Variants in OTOGL observed in about 807,000 individuals in gnomAD.
OTOGL encodes otogelin like, also known as otogelin-like protein.
OTOGL carries 285 observed loss-of-function variants against 318.5 expected under a neutral mutation model. That is an observed-to-expected ratio of 0.89 (90% CI 0.81 to 0.99). OTOGL has a LOEUF of 0.99. Among genes scored for constraint, OTOGL ranks in the 50% least tolerant of loss-of-function variants. The pLI is 0.00. For missense variants in OTOGL, 2,899 were observed against 2,845.6 expected (o/e 1.02, Z -0.43); for synonymous variants, 987 against 936.5 (o/e 1.05, Z -0.99).
intron 1 of OTOGL, among the ~76,000 whole-genome samples, chr12:80,149,910 G>T (rs1302209678): frequency 6.6e-6 from 1 of 152,166 alleles, no homozygotes; most frequent in Non-Finnish European, 1.5e-5. Flanking sequence ...CCCTGCTTCG[G>T]CTCATGCACG....
At chr12:80,139,773 G>A (rs1045414373) in intron 1 of OTOGL, among the ~76,000 whole-genome samples, 1 of 152,126 alleles carries the variant, frequency 6.6e-6, no homozygotes, top group African/African-American at 2.4e-5. Flanking sequence ...AATCACTTTA[G>A]GAAGGCTGCC....
intron 1 of OTOGL, among the ~76,000 whole-genome samples, chr12:80,132,981 T>G (rs1871331076): frequency 6.6e-6 from 1 of 152,220 alleles, no homozygotes; most frequent in Admixed American, 6.5e-5. Context: ...GCATCTCTCC[T>G]GTTACTTTTG....
At chr12:80,265,683 A>T (rs76956599) in intron 20 of OTOGL, 350 of 173,694 alleles carry the variant, frequency 2.0e-3, no homozygotes, top group Non-Finnish European at 2.9e-3. Flanking sequence ...TGTGTGTTTT[A>T]TAATTTTTTT....
intron 26 of OTOGL, among the ~76,000 whole-genome samples, chr12:80,283,932 C>T (rs1465410716): frequency 1.8e-4 from 27 of 151,896 alleles, no homozygotes; most frequent in Admixed American, 1.1e-3. Context: ...CATAGGTATA[C>T]GTGTGCCATG....
Position 80,370,627 on chromosome 12 carries a change from G to A in OTOGL, c.6673G>A (p.Gly2225Arg). ...ATATGAATGTGTTAAAACTGATGAA[G>A]GAGCAATAATTCTGAACTACACAAT... ...TTYECVKTDE[G>R]AIILNYTMVC... Residue 2225 changes from glycine to arginine, a missense_variant, in exon 56 of 59, where the codon GGA becomes AGA. Coordinates refer to ENST00000547103, the MANE Select transcript of OTOGL (RefSeq NM_001378609.3). The A allele has an allele frequency of 6.3e-7, 1 of 1,590,244 alleles. No homozygotes were observed. The highest frequency in any genetic ancestry group is 8.6e-7 in the Non-Finnish European group (1 of 1,165,008).
intron 35 of OTOGL, among the ~76,000 whole-genome samples, 152 bp downstream of exon 35, chr12:80,323,992 G>A (rs1565984243): frequency 6.6e-6 from 1 of 152,168 alleles, no homozygotes; most frequent in Non-Finnish European, 1.5e-5. Context: ...TCAAGAAGTA[G>A]TTATTGAGAG....
At chr12:80,124,528 T>G (rs1328713085) in intron 1 of OTOGL, among the ~76,000 whole-genome samples, 1 of 152,178 alleles carries the variant, frequency 6.6e-6, no homozygotes, top group Non-Finnish European at 1.5e-5. Context: ...TGGGCTCTTT[T>G]TTGGTTCTAT....
chr12:80,110,775 G>A (rs1869789287), intron 1 of OTOGL, among the ~76,000 whole-genome samples: 1 of 152,076 alleles, frequency 6.6e-6, no homozygotes, highest in South Asian at 2.1e-4. Flanking sequence ...CCCAGTAATG[G>A]GATTGCTGGG....
chr12:80,219,971 T>G (rs1409585824), intron 6 of OTOGL, 59 bp downstream of exon 6: 1 of 1,217,508 alleles, frequency 8.2e-7, no homozygotes, highest in Non-Finnish European at 1.2e-6. Flanking sequence ...AATTAAGGCA[T>G]AATTTGCTAT....
chr12:80,266,393 A>T (rs1882962096), intron 20 of OTOGL, 58 bp from the exon 21 acceptor site: 2 of 1,562,328 alleles, frequency 1.3e-6, no homozygotes, highest in Non-Finnish European at 1.8e-6. Flanking sequence ...CTAAGGAGGC[A>T]TAAAATGTTT....
Position 80,305,607 on chromosome 12 carries a change from A to G in OTOGL, c.3245A>G (p.Asp1082Gly). ...CTATCAGGATTGTGTGGAAACTTTG[A>G]CAAATGCACTTCAAATGATATGACC... ...NKLSGLCGNFDKCTSNDMTTS... is the reference protein window; with the variant it reads ...NKLSGLCGNFGKCTSNDMTTS... Residue 1082 changes from aspartate (D) to glycine (G), a missense_variant, in exon 29 of 59, where the codon GAC becomes GGC. By Grantham distance (94) the Asp-to-Gly change is moderately conservative. Around this residue, in one of 3 missense-constraint regions of OTOGL, gnomAD observed 2,607 missense variants for 2,524.9 expected, o/e 1.03. Coordinates refer to ENST00000547103, the MANE Select transcript of OTOGL (RefSeq NM_001378609.3). The G allele has an allele frequency of 6.4e-7, 1 of 1,572,364 alleles. No homozygotes were observed.
intron 52 of OTOGL, among the ~76,000 whole-genome samples, chr12:80,364,053 T>C (rs1214686590): frequency 6.6e-6 from 1 of 152,196 alleles, no homozygotes; most frequent in African/African-American, 2.4e-5. Flanking sequence ...TGTCTGAATA[T>C]TAATTATGAA....
At chr12:80,140,219 G>A (rs1233838594) in intron 1 of OTOGL, among the ~76,000 whole-genome samples, 3 of 152,098 alleles carry the variant, frequency 2.0e-5, no homozygotes. Context: ...TTCTGGGAGC[G>A]TCTCTATCAC....
At chr12:80,217,285 G>A (rs1042429132) in intron 4 of OTOGL, among the ~76,000 whole-genome samples, 2 of 152,096 alleles carry the variant, frequency 1.3e-5, no homozygotes, top group Non-Finnish European at 2.9e-5. Context: ...CGGGGGCTGG[G>A]GGGAAGACTG....
Position 80,357,977 on chromosome 12 carries a change from T to C in OTOGL, c.6020-271T>C, listed in dbSNP as rs549312703. ...TATAATAAATAAACAAGTGACATTTTGATTCTAATGAGAACAAATTACCTA... is the reference window on the plus strand; with the variant it reads ...TATAATAAATAAACAAGTGACATTTCGATTCTAATGAGAACAAATTACCTA... On this transcript the variant is annotated intron_variant, in intron 49 of 58. Coordinates refer to ENST00000547103, the MANE Select transcript of OTOGL (RefSeq NM_001378609.3). Among the ~76,000 whole-genome samples the C allele has an allele frequency of 2.8e-4, 43 of 152,278 alleles. 1 individual carries two copies. In the South Asian group the frequency reaches 8.9e-3, roughly 32 times the overall value.
rs985832418 is a variant in OTOGL at position 80,255,051 on chromosome 12, G to A, written c.1453G>A (p.Val485Ile). 2 of 1,493,882 alleles carry A rather than the reference G, an allele frequency of 1.3e-6. No individual in the cohort carries two copies. Among genetic ancestry groups the A allele is most frequent in the African/African-American group, 1.4e-5 (1 of 69,464 alleles). 92.5% of individuals were successfully genotyped at this position (1,493,882 alleles called of 1,614,324 possible). Reference protein sequence around the residue: ...TEQDCPVQCSVVGDSHFTTFD... With the variant: ...TEQDCPVQCSIVGDSHFTTFD... The stretch of plus-strand genomic sequence containing the variant: ...TTTTTTTTTGGCAGTTCAATGCTCA[G>A]TTGTAGGTGATTCTCACTTTACAAC... Residue 485 changes from valine to isoleucine, a missense_variant, in exon 16 of 59, where the codon GTT becomes ATT. Val to Ile is a conservative substitution (Grantham distance 29). This residue lies in a region of OTOGL where 2,607 missense variants were observed against 2,524.9 expected (regional missense o/e 1.03). Coordinates refer to ENST00000547103, the MANE Select transcript of OTOGL (RefSeq NM_001378609.3).
At chr12:80,227,773 A>G (rs1204615780) in intron 7 of OTOGL, among the ~76,000 whole-genome samples, 2 of 152,144 alleles carry the variant, frequency 1.3e-5, no homozygotes, top group African/African-American at 4.8e-5. Context: ...ATGGTATTCC[A>G]GATATCCCAT....
intron 11 of OTOGL, among the ~76,000 whole-genome samples, chr12:80,242,939 G>A (rs987640600): frequency 1.3e-5 from 2 of 152,038 alleles, no homozygotes; most frequent in Non-Finnish European, 2.9e-5. Flanking sequence ...ATGCCGTCCT[G>A]TTTCTGCTTC....
chr12:80,283,546 G>C (rs1255777242), intron 26 of OTOGL, among the ~76,000 whole-genome samples: 1 of 152,008 alleles, frequency 6.6e-6, no homozygotes, highest in African/African-American at 2.4e-5. Flanking sequence ...ATCATTTTAT[G>C]TCAGAACTAT....
Sources: allele counts gnomAD v4.1 joint callset (sites outside exome capture counted in the v4.1 genomes callset), GRCh38; gene constraint gnomAD v4.1.1; regional missense constraint gnomAD v4.1.1; transcripts MANE v1.5; gene names NCBI Gene and HGNC (gene_info 2026-07-23, HGNC 2026-07-21).